Variants in CDC42BPA observed in about 807,000 individuals in gnomAD.
CDC42BPA encodes the protein CDC42 binding protein kinase alpha, also known as serine/threonine-protein kinase MRCK alpha.
CDC42BPA carries 80 observed loss-of-function variants against 223.5 expected under a neutral mutation model. The observed-to-expected ratio is 0.36, with a 90% confidence interval of 0.30 to 0.43. The LOEUF is 0.43. Among genes scored for constraint, CDC42BPA ranks in the 20% least tolerant of loss-of-function variants. CDC42BPA has a pLI of 1.00. For missense variants in CDC42BPA, 1,743 were observed against 2,099.9 expected, an observed-to-expected ratio of 0.83 and a Z score of 3.32; for synonymous variants, 694 against 718.6, an observed-to-expected ratio of 0.97 and a Z score of 0.55.
At chr1:227,157,669 T>C (rs1444048522) in intron 6 of CDC42BPA, among the ~76,000 whole-genome samples, 1 of 151,014 alleles carries the variant, frequency 6.6e-6, no homozygotes, top group African/African-American at 2.4e-5. Flanking sequence ...TTTCCCCACA[T>C]CTCACTCTCT....
At chr1:227,290,397 T>A (rs1689499094) in intron 1 of CDC42BPA, among the ~76,000 whole-genome samples, 1 of 152,234 alleles carries the variant, frequency 6.6e-6, no homozygotes, top group Non-Finnish European at 1.5e-5. Flanking sequence ...ATGTTGTTCA[T>A]CTTCATTGCT....
chr1:227,135,855 C>CAAAAAAAAAAAAAAAAAAAA (rs1175091904), intron 10 of CDC42BPA, among the ~76,000 whole-genome samples: 1 of 6,578 alleles, frequency 1.5e-4, no homozygotes, highest in Admixed American at 1.6e-3. Context: ...CTCTGTCTCC[C>CAAAAAAAAAAAAAAAAAAAA]AAAAAAAAAA....
intron 1 of CDC42BPA, among the ~76,000 whole-genome samples, chr1:227,289,217 C>T (rs1050031697): frequency 6.6e-6 from 1 of 152,104 alleles, no homozygotes; most frequent in Non-Finnish European, 1.5e-5. Context: ...TCTGCACTGG[C>T]TTTAACCCTT....
chr1:227,179,653 A>AAAAAAAAAAAAAAC, intron 5 of CDC42BPA, among the ~76,000 whole-genome samples: 1 of 149,674 alleles, frequency 6.7e-6, no homozygotes, highest in Admixed American at 6.6e-5. Flanking sequence ...AAAAAAAAAA[A>AAAAAAAAAAAAAAC]AAAAAAAGCT....
intron 15 of CDC42BPA, among the ~76,000 whole-genome samples, chr1:227,096,397 G>A (rs987092384): frequency 1.3e-5 from 2 of 152,184 alleles, no homozygotes; most frequent in African/African-American, 4.8e-5. Flanking sequence ...CATACCCTGT[G>A]TCACAATTCA....
At chr1:227,003,566 T>C (rs1374178581) in intron 35 of CDC42BPA, among the ~76,000 whole-genome samples, 2 of 152,226 alleles carry the variant, frequency 1.3e-5, no homozygotes, top group African/African-American at 4.8e-5. Flanking sequence ...AATTTACTTT[T>C]TTAAATCAGC....
chr1:227,220,295 TATATATATATATATATAC>T (rs1297442599), intron 2 of CDC42BPA, among the ~76,000 whole-genome samples: 2 of 95,238 alleles, frequency 2.1e-5, no homozygotes, highest in African/African-American at 9.0e-5. Flanking sequence ...TATATATATA[TATATATATATATATATAC>T]ACACACACAC....
At chr1:227,220,796 T>C (rs955408469) in intron 2 of CDC42BPA, among the ~76,000 whole-genome samples, 2 of 152,116 alleles carry the variant, frequency 1.3e-5, no homozygotes, top group African/African-American at 2.4e-5. Flanking sequence ...AAAATTTCTT[T>C]CCTGCTTTCA....
intron 32 of CDC42BPA, among the ~76,000 whole-genome samples, chr1:227,018,478 A>G (rs975946379): frequency 2.0e-5 from 3 of 152,236 alleles, no homozygotes; most frequent in Admixed American, 6.5e-5. Context: ...CTCTTCTCCA[A>G]GATCTACCTC....
chr1:227,285,397 C>T (rs1303658582), intron 1 of CDC42BPA, among the ~76,000 whole-genome samples: 7 of 152,310 alleles, frequency 4.6e-5, no homozygotes, highest in Admixed American at 2.0e-4. Flanking sequence ...GACTTTACAT[C>T]TTACGTAATT....
Position 227,051,984 on chromosome 1 carries a change from G to C in CDC42BPA, c.2906C>G (p.Thr969Ser), listed in dbSNP as rs747671646. Reference protein sequence around the residue: ...TPTDALDQFETDPVENTYVWN... With the variant: ...TPTDALDQFESDPVENTYVWN... ...TACATATGTGTTCTCAACGGGATCA[G>C]TCTAGGAAAATAAGTCGGGAAAAAT... is the stretch of plus-strand genomic sequence containing the variant. Residue 969 changes from threonine to serine, a missense_variant and splice_region_variant, in exon 22 of 37, where the codon ACT (threonine) becomes AGT (serine). Transcript: ENST00000366766. 2.9e-6 allele frequency: 4 copies of C among 1,364,506 alleles called. No individual in the cohort carries two copies. The highest frequency in any genetic ancestry group is 1.1e-5 in the South Asian group (1 of 87,982). 84.5% of individuals were successfully genotyped at this position (1,364,506 alleles called of 1,614,324 possible).
In CDC42BPA at chr1:227,193,840, A is replaced by G; in HGVS notation, c.545T>C (p.Leu182Ser). 6.2e-7 allele frequency: 1 copy of G among 1,613,484 alleles called. No homozygotes were observed. The highest frequency in any genetic ancestry group is 2.2e-5 in the East Asian group (1 of 44,830). The change falls in exon 5 of 37, where the codon TTG becomes TCG. Residue 182 changes from leucine (L) to serine (S), a missense_variant. Coordinates refer to ENST00000366766, the MANE Select transcript of CDC42BPA (RefSeq NM_001394014.1). ...GTCAATTGCTATCACCATCTCAGCC[A>G]AGTAAAATCTAGCCATATCTTCAGG... The part of the protein sequence containing the change: ...RLPEDMARFY[L>S]AEMVIAIDSV...
intron 1 of CDC42BPA, among the ~76,000 whole-genome samples, chr1:227,315,955 C>CAAA (rs71180728): frequency 0.019 from 2,059 of 110,878 alleles, 82 homozygotes; most frequent in African/African-American, 0.069. Context: ...ATTTCAAATC[C>CAAA]AAAAAAAAAA....
chr1:227,091,491 G>A (rs1351920274), intron 16 of CDC42BPA, among the ~76,000 whole-genome samples: 1 of 152,158 alleles, frequency 6.6e-6, no homozygotes, highest in African/African-American at 2.4e-5. Flanking sequence ...AGCTTCCTGA[G>A]ACTCTCACCA....
chr1:227,022,544 CT>C (rs1350101302), intron 32 of CDC42BPA, among the ~76,000 whole-genome samples: 3 of 152,154 alleles, frequency 2.0e-5, no homozygotes, highest in African/African-American at 7.2e-5. Context: ...TAGAAATTTG[CT>C]GCTATGACAC....
At chr1:227,177,096 T>C (rs1667089761) in intron 5 of CDC42BPA, among the ~76,000 whole-genome samples, 1 of 146,044 alleles carries the variant, frequency 6.8e-6, no homozygotes. Flanking sequence ...AAACAACTTT[T>C]ACTTTAAAGC....
At chr1:227,036,421 C>CTTTTTTTTT (rs56254464) in intron 24 of CDC42BPA, among the ~76,000 whole-genome samples, 2 of 71,130 alleles carry the variant, frequency 2.8e-5, no homozygotes, top group East Asian at 4.3e-4. Context: ...CTTCAATTCA[C>CTTTTTTTTT]TTTTTTTTTT....
intron 12 of CDC42BPA, among the ~76,000 whole-genome samples, chr1:227,115,269 T>C (rs1230461284): frequency 6.6e-6 from 1 of 152,090 alleles, no homozygotes; most frequent in Non-Finnish European, 1.5e-5. Flanking sequence ...GGCCATCTAT[T>C]ATACTGGATT....
At chr1:227,191,600 A>T (rs931454055) in intron 5 of CDC42BPA, among the ~76,000 whole-genome samples, 3 of 152,184 alleles carry the variant, frequency 2.0e-5, no homozygotes, top group African/African-American at 7.2e-5. Context: ...AGAAGCAGTT[A>T]TTCCTTCTCA....
Sources: gnomAD v4.1 joint callset for allele counts (sites outside exome capture counted in the v4.1 genomes callset) on GRCh38, gnomAD v4.1.1 for gene constraint, MANE v1.5 for transcripts, NCBI Gene and HGNC (gene_info 2026-07-23, HGNC 2026-07-21) for gene names.